CSPP1: variants seen among roughly 807,000 people sequenced by gnomAD.
CSPP1 encodes the protein centrosome and spindle pole associated protein 1.
Under a neutral mutation model 164.4 loss-of-function variants are expected in CSPP1, and 126 were observed. The observed-to-expected ratio is 0.77, with a 90% CI of 0.66 to 0.89. The LOEUF is 0.89. Among genes scored for constraint, CSPP1 ranks in the 40% least tolerant of loss-of-function variants. The probability of loss-of-function intolerance (pLI) is 0.00; values close to 1 mark genes in which losing one functional copy is unlikely to be tolerated. For synonymous variants in CSPP1, 472 were observed against 476.7 expected (o/e 0.99, Z 0.13); for missense variants, 1,395 against 1,449.8 (o/e 0.96, Z 0.61).
chr8:67,095,230 A>G lies in CSPP1; in HGVS notation c.484-63A>G, dbSNP rs1374386949. On this transcript the variant is annotated intron_variant, in intron 6 of 30. Transcript: ENST00000678616. The stretch of plus-strand genomic sequence containing the variant: ...AGACTAAGTATAAATTGAGGGTTTA[A>G]TTACCTTATAAGAGATAGTTTCTTG... The G allele has an allele frequency of 3.0e-5, 31 of 1,016,796 alleles. No homozygotes were observed. In the East Asian group the frequency reaches 7.7e-4, roughly 25 times the overall value. The allele number at this position is 1,016,796 out of a possible 1,614,324, so 63.0% of individuals were successfully genotyped here.
intron 13 of CSPP1, among the ~76,000 whole-genome samples, chr8:67,117,392 C>G (rs1329312100): frequency 6.6e-6 from 1 of 152,118 alleles, no homozygotes. Context: ...AAGATACATA[C>G]AACAGTGAGA....
At chr8:67,094,824 C>CT (rs1812400970) in intron 6 of CSPP1, among the ~76,000 whole-genome samples, 1 of 152,204 alleles carries the variant, frequency 6.6e-6, no homozygotes. Context: ...TGTGTCCTCA[C>CT]TGTCCTCCAC....
chr8:67,106,973 A>G (rs7004549), intron 9 of CSPP1, among the ~76,000 whole-genome samples: 12,715 of 151,830 alleles, frequency 0.084, 1,063 homozygotes, highest in African/African-American at 0.22. Context: ...AATCAGTACC[A>G]TGTAAAGGCT....
chr8:67,066,598 T>C (rs950732392), intron 1 of CSPP1, among the ~76,000 whole-genome samples: 1 of 152,128 alleles, frequency 6.6e-6, no homozygotes, highest in Non-Finnish European at 1.5e-5. Flanking sequence ...TTGTAGACAT[T>C]TTCAGATTGA....
At chr8:67,089,562 C>G (rs116890416) in intron 4 of CSPP1, among the ~76,000 whole-genome samples, 4,082 of 152,248 alleles carry the variant, frequency 0.027, 85 homozygotes, top group Middle Eastern at 0.061. Context: ...TTATTACCTT[C>G]TAGCATGCTG....
chr8:67,152,506 G>A (rs1167467691), intron 18 of CSPP1, among the ~76,000 whole-genome samples: 1 of 151,890 alleles, frequency 6.6e-6, no homozygotes, highest in African/African-American at 2.4e-5. Context: ...TGCTTTCTTT[G>A]TATATAGCAA....
At chr8:67,097,404 A>G (rs968312532) in intron 7 of CSPP1, among the ~76,000 whole-genome samples, 18 of 152,174 alleles carry the variant, frequency 1.2e-4, no homozygotes, top group African/African-American at 4.3e-4. Context: ...GAATTTGGAA[A>G]TGGCAATTAT....
Position 67,064,445 on chromosome 8 carries a change from A to T in CSPP1, c.-104A>T, listed in dbSNP as rs1805077545. 1.2e-6 allele frequency: 2 copies of T among 1,613,940 alleles called. No individual in the cohort carries two copies. Among genetic ancestry groups the T allele is most frequent in the Non-Finnish European group, 1.7e-6 (2 of 1,179,896 alleles). Reference sequence around the variant, plus strand: ...GCCGCTGTAACCTCTTCGGTCCGCGACGATCCTCTAGAGCACTGTGTGTCT... The same window carrying T: ...GCCGCTGTAACCTCTTCGGTCCGCGTCGATCCTCTAGAGCACTGTGTGTCT... On this transcript the variant is annotated 5_prime_UTR_variant, in exon 1 of 31. Coordinates refer to ENST00000678616, the MANE Select transcript of CSPP1 (RefSeq NM_001382391.1).
intron 18 of CSPP1, among the ~76,000 whole-genome samples, chr8:67,152,330 T>A (rs1200909678): frequency 6.6e-6 from 1 of 152,162 alleles, no homozygotes; most frequent in Non-Finnish European, 1.5e-5. Flanking sequence ...AGTTTCCTTA[T>A]CCTCTAATAT....
chr8:67,137,333 G>GA (rs34987713), intron 16 of CSPP1, 123 bp from the exon 17 acceptor site: 39,752 of 495,526 alleles, frequency 0.08, no homozygotes, highest in Middle Eastern at 0.097. Flanking sequence ...GTACACTGGG[G>GA]AAAAAAAAAA....
At chr8:67,111,543 A>T (rs556560303) in intron 9 of CSPP1, among the ~76,000 whole-genome samples, 2 of 152,318 alleles carry the variant, frequency 1.3e-5, no homozygotes, top group South Asian at 4.1e-4. Context: ...AGTCCAAGTT[A>T]TAGTGAGATT....
intron 3 of CSPP1, chr8:67,083,660 C>T (rs1463617638): frequency 6.8e-6 from 1 of 147,838 alleles, no homozygotes; most frequent in African/African-American, 2.5e-5. Flanking sequence ...AATTGAAAAA[C>T]AGCAGTAAAA....
At chr8:67,194,765 G>C (rs1353907297) in intron 30 of CSPP1, among the ~76,000 whole-genome samples, 1 of 151,182 alleles carries the variant, frequency 6.6e-6, no homozygotes, top group Non-Finnish European at 1.5e-5. Context: ...ATAAATAAAA[G>C]TAAAATACAG....
At chr8:67,160,617 C>T (rs968376529) in intron 21 of CSPP1, among the ~76,000 whole-genome samples, 1 of 151,602 alleles carries the variant, frequency 6.6e-6, no homozygotes, top group African/African-American at 2.4e-5. Flanking sequence ...AGTTTTAAAT[C>T]AGCTTTATCC....
chr8:67,191,952 G>C (rs1283254638), intron 29 of CSPP1, among the ~76,000 whole-genome samples: 2 of 151,804 alleles, frequency 1.3e-5, no homozygotes, highest in Non-Finnish European at 2.9e-5. Flanking sequence ...GTAAAGTGGT[G>C]TCATGGTGGT....
intron 1 of CSPP1, among the ~76,000 whole-genome samples, chr8:67,072,502 C>T (rs1319360685): frequency 6.6e-6 from 1 of 151,840 alleles, no homozygotes; most frequent in African/African-American, 2.4e-5. Context: ...TGACTTTTAT[C>T]AAGTGTATAT....
At chr8:67,187,535 A>G (rs1419731945) in intron 28 of CSPP1, among the ~76,000 whole-genome samples, 1 of 152,014 alleles carries the variant, frequency 6.6e-6, no homozygotes, top group Non-Finnish European at 1.5e-5. Flanking sequence ...AATATTTTAA[A>G]TTAGCCGATG....
At chr8:67,082,672 A>G (rs1030905779) in intron 3 of CSPP1, among the ~76,000 whole-genome samples, 1 of 152,218 alleles carries the variant, frequency 6.6e-6, no homozygotes, top group East Asian at 1.9e-4. Context: ...ATTATGATGA[A>G]TGCTCTGTTA....
chr8:67,128,086 GTTA>G (rs1229789942), intron 15 of CSPP1, among the ~76,000 whole-genome samples: 1 of 152,110 alleles, frequency 6.6e-6, no homozygotes, highest in African/African-American at 2.4e-5. Context: ...GGATGGGTGT[GTTA>G]TTATATTTCT....
Sources: gnomAD v4.1 joint callset for allele counts (sites outside exome capture counted in the v4.1 genomes callset) on GRCh38, gnomAD v4.1.1 for gene constraint, MANE v1.5 for transcripts, NCBI Gene and HGNC (gene_info 2026-07-23, HGNC 2026-07-21) for gene names.